PTPRT: variants seen among roughly 807,000 people sequenced by gnomAD.
The protein encoded by PTPRT is protein tyrosine phosphatase receptor type T, also known as receptor-type tyrosine-protein phosphatase T.
PTPRT carries 56 observed loss-of-function variants against 176.8 expected under a neutral mutation model. That is an observed-to-expected ratio of 0.32 (90% CI 0.26 to 0.40). The LOEUF (loss-of-function observed/expected upper bound fraction) is 0.40, where lower values mean the gene tolerates loss of function less well. Ranked by LOEUF, PTPRT falls within the 10% of genes least tolerant of loss-of-function variation. The probability of loss-of-function intolerance (pLI) is 1.00; values close to 1 mark genes in which losing one functional copy is unlikely to be tolerated. For synonymous variants in PTPRT, 783 were observed against 739.0 expected (o/e 1.06, Z -0.96); for missense variants, 1,540 against 1,908.2 (o/e 0.81, Z 3.60).
At chr20:42,650,222 A>G (rs2075005055) in intron 7 of PTPRT, among the ~76,000 whole-genome samples, 1 of 152,202 alleles carries the variant, frequency 6.6e-6, no homozygotes, top group African/African-American at 2.4e-5. Flanking sequence ...CCAAGTAAAC[A>G]GCAGAACCAG....
In PTPRT at chr20:42,352,025, A is replaced by T. The variant is rs187443597; in HGVS notation, c.1762+59T>A. 3.4e-4 allele frequency: 531 copies of T among 1,540,902 alleles called. 1 individual carries two copies. The African/African-American group carries it at 6.8e-3, about 20-fold the overall frequency. On this transcript the variant is annotated intron_variant, in intron 10 of 30. Coordinates refer to ENST00000373187, the MANE Select transcript of PTPRT (RefSeq NM_007050.6). ...TTCAAGAAAAATTTCCACTTCAAGG[A>T]AAATCAGGAAGTGGGGGTGAAACAA...
intron 8 of PTPRT, among the ~76,000 whole-genome samples, chr20:42,464,914 G>C (rs906912026): frequency 6.6e-6 from 1 of 152,014 alleles, no homozygotes; most frequent in Non-Finnish European, 1.5e-5. Flanking sequence ...CATTAGAAAT[G>C]TACACTTAAT....
intron 7 of PTPRT, among the ~76,000 whole-genome samples, chr20:42,540,294 G>A (rs866570990): frequency 1.3e-5 from 2 of 152,132 alleles, no homozygotes; most frequent in African/African-American, 4.8e-5. Context: ...TCTTCCCTGA[G>A]TGTGAGAGTC....
intron 1 of PTPRT, among the ~76,000 whole-genome samples, chr20:42,957,968 G>T (rs1981738898): frequency 6.6e-6 from 1 of 151,508 alleles, no homozygotes; most frequent in African/African-American, 2.4e-5. Flanking sequence ...CCCAATACTT[G>T]TGATCTCCAC....
At chr20:42,645,186 CT>C (rs1389229861) in intron 7 of PTPRT, among the ~76,000 whole-genome samples, 2 of 152,122 alleles carry the variant, frequency 1.3e-5, no homozygotes, top group Non-Finnish European at 2.9e-5. Flanking sequence ...TGACAAAACC[CT>C]ACCTGCAGCC....
At chr20:42,865,307 A>T (rs1275287120) in intron 2 of PTPRT, among the ~76,000 whole-genome samples, 1 of 152,156 alleles carries the variant, frequency 6.6e-6, no homozygotes, top group Non-Finnish European at 1.5e-5. Context: ...AGCACAGCAG[A>T]CCCGGATCTC....
At chr20:42,409,268 G>A (rs1402260877) in intron 9 of PTPRT, among the ~76,000 whole-genome samples, 1 of 151,926 alleles carries the variant, frequency 6.6e-6, no homozygotes, top group African/African-American at 2.4e-5. Context: ...GGATCATGAG[G>A]TCAGGAGTTC....
chr20:43,126,654 A>G (rs1304344997), intron 1 of PTPRT, among the ~76,000 whole-genome samples: 2 of 152,272 alleles, frequency 1.3e-5, no homozygotes, highest in Non-Finnish European at 2.9e-5. Context: ...GTCAGAGCCC[A>G]GGCTTGAAAA....
chr20:42,363,301 T>TATATATATATA (rs1555833772), intron 9 of PTPRT, among the ~76,000 whole-genome samples: 2 of 25,900 alleles, frequency 7.7e-5, no homozygotes, highest in South Asian at 1.9e-3. Flanking sequence ...TATATATATA[T>TATATATATATA]TTTTTTTTTT....
chr20:42,487,375 A>AT (rs1436981911), intron 7 of PTPRT, among the ~76,000 whole-genome samples: 1 of 152,136 alleles, frequency 6.6e-6, no homozygotes, highest in Non-Finnish European at 1.5e-5. Flanking sequence ...ACACACCCTG[A>AT]TATCCTCTGC....
At chr20:42,822,935 C>A (rs1006516315) in intron 2 of PTPRT, among the ~76,000 whole-genome samples, 6 of 152,118 alleles carry the variant, frequency 3.9e-5, no homozygotes, top group Non-Finnish European at 7.4e-5. Flanking sequence ...AATGATTTTA[C>A]ACTGTTGGTA....
the PTPRT span, among the ~76,000 whole-genome samples, chr20:42,051,296 A>G: frequency 2.0e-5 from 3 of 152,198 alleles, no homozygotes; most frequent in Admixed American, 2.0e-4. Context: ...AGGAGGATGC[A>G]TTCCCACTGT....
chr20:42,113,560 G>GAAGT (rs1430910881), intron 22 of PTPRT, among the ~76,000 whole-genome samples: 1 of 152,236 alleles, frequency 6.6e-6, no homozygotes, highest in African/African-American at 2.4e-5. Context: ...TGGGAGCACA[G>GAAGT]AAGTCTGGCT....
At chr20:42,070,008 C>G (rs78729627), downstream of PTPRT, among the ~76,000 whole-genome samples, 1,399 of 152,254 alleles carry the variant, frequency 9.2e-3, 17 homozygotes, top group African/African-American at 0.032. Flanking sequence ...TCAGGCCAAG[C>G]CTTTGTTGAG....
intron 5 of PTPRT, among the ~76,000 whole-genome samples, chr20:42,757,428 A>C (rs1029201175): frequency 3.3e-5 from 5 of 151,990 alleles, no homozygotes; most frequent in African/African-American, 9.7e-5. Context: ...AGCTATCACC[A>C]CAGGTAGGGA....
chr20:42,976,866 T>C (rs542467283), intron 1 of PTPRT, among the ~76,000 whole-genome samples: 26 of 152,370 alleles, frequency 1.7e-4, no homozygotes, highest in African/African-American at 5.5e-4. Context: ...ACCATTTAGT[T>C]ACATCTTTGC....
chr20:42,941,058 G>A (rs1026073859), intron 1 of PTPRT, among the ~76,000 whole-genome samples: 1 of 151,456 alleles, frequency 6.6e-6, no homozygotes, highest in African/African-American at 2.4e-5. Flanking sequence ...CTCCAGCCTG[G>A]GCGACAGAGC....
intron 3 of PTPRT, 108 bp downstream of exon 3, chr20:42,791,087 A>G: frequency 7.3e-7 from 1 of 1,366,594 alleles, no homozygotes; most frequent in Non-Finnish European, 9.9e-7. Context: ...CACAGTAAAC[A>G]CGAGTGAATA....
rs989709757 is a variant in PTPRT at position 42,886,059 on chromosome 20, A to T, written c.89-127T>A. 3.1e-3 allele frequency: 1,186 copies of T among 380,890 alleles called. 30 individuals are homozygous for T. The highest frequency in any genetic ancestry group is 0.023 in the African/African-American group (1,078 of 45,884). 23.6% of individuals were successfully genotyped at this position (380,890 alleles called of 1,614,324 possible). A position where few individuals can be genotyped will look rare whatever the true frequency, so the allele number is the denominator to read the frequency against. Reference sequence around the variant, plus strand: ...TCTGGAGAAGATTTTCCATATATATATATATATATATAAAAGATGAGCAAA... The same window carrying T: ...TCTGGAGAAGATTTTCCATATATATTTATATATATATAAAAGATGAGCAAA... On this transcript the variant is annotated intron_variant, in intron 1 of 30. Transcript: ENST00000373187.
Sources: allele counts gnomAD v4.1 joint callset (sites outside exome capture counted in the v4.1 genomes callset), GRCh38; gene constraint gnomAD v4.1.1; transcripts MANE v1.5; gene names NCBI Gene and HGNC (gene_info 2026-07-23, HGNC 2026-07-21).